The following PPP3CB variants were observed in gnomAD, a reference collection of about 807,000 sequenced individuals.
PPP3CB encodes the protein protein phosphatase 3 catalytic subunit beta, also known as serine/threonine-protein phosphatase 2B catalytic subunit beta isoform.
A neutral mutation model predicts 66.4 loss-of-function variants in PPP3CB; 8 were observed. The observed-to-expected ratio is 0.12, with a 90% CI of 0.07 to 0.22. The LOEUF is 0.22. Among genes scored for constraint, PPP3CB ranks in the 10% least tolerant of loss-of-function variants. The pLI is 1.00. For missense variants in PPP3CB, 319 were observed against 642.5 expected, an observed-to-expected ratio of 0.50 and a Z score of 5.44; for synonymous variants, 208 against 221.2, an observed-to-expected ratio of 0.94 and a Z score of 0.53.
chr10:73,448,177 A>C (rs2056289511), intron 10 of PPP3CB, among the ~76,000 whole-genome samples: 1 of 152,208 alleles, frequency 6.6e-6, no homozygotes, highest in Non-Finnish European at 1.5e-5. Flanking sequence ...AAGTACATTC[A>C]TATTTTCAGA....
intron 5 of PPP3CB, 98 bp from the exon 6 acceptor site, chr10:73,471,307 C>T (rs2056698390): frequency 7.3e-7 from 1 of 1,377,674 alleles, no homozygotes; most frequent in African/African-American, 1.5e-5. Flanking sequence ...ACAGTTCATA[C>T]TATATTATTG....
chr10:73,481,155 A>G lies in PPP3CB; in HGVS notation c.86-1638T>C, dbSNP rs1375057579. On this transcript the variant is annotated intron_variant, in intron 1 of 13. Coordinates refer to ENST00000360663, the MANE Select transcript of PPP3CB (RefSeq NM_021132.4). Reference sequence around the variant, plus strand: ...ATGTAAGGCAGCTCCCTCTTTCCAGATTTTTTTTTCTTTTTTTTTTTTTTT... The same window carrying G: ...ATGTAAGGCAGCTCCCTCTTTCCAGGTTTTTTTTTCTTTTTTTTTTTTTTT... Among the ~76,000 whole-genome samples, 4 of 146,674 alleles carry G rather than the reference A, an allele frequency of 2.7e-5. No individual in the cohort carries two copies. The East Asian group carries it at 7.9e-4, about 29-fold the overall frequency.
chr10:73,487,883 G>C (rs868401802), intron 1 of PPP3CB, among the ~76,000 whole-genome samples: 1 of 151,394 alleles, frequency 6.6e-6, no homozygotes, highest in Non-Finnish European at 1.5e-5. Context: ...AGGTTCAAGC[G>C]ATTCTCCCTA....
intron 10 of PPP3CB, among the ~76,000 whole-genome samples, chr10:73,451,643 C>T (rs1278525281): frequency 6.6e-6 from 1 of 151,836 alleles, no homozygotes; most frequent in Non-Finnish European, 1.5e-5. Flanking sequence ...TAGCTCATGC[C>T]TGTAATCCCA....
At chr10:73,491,022 G>GTTTTTTTTTTTTTTTTTTTTTTTTTTT (rs528238766) in intron 1 of PPP3CB, among the ~76,000 whole-genome samples, 7 of 40,908 alleles carry the variant, frequency 1.7e-4, no homozygotes, top group East Asian at 1.0e-3. Context: ...TGTTTTTATT[G>GTTTTTTTTTTTTTTTTTTTTTTTTTTT]TTTTTTTTTT....
rs200425456 is a variant in PPP3CB, at chr10:73,467,673, C to G, written c.988G>C (p.Val330Leu). The change falls in exon 9 of 14, where the codon GTA (valine) becomes CTA (leucine). Residue 330 changes from valine (V) to leucine (L), a missense_variant. Physicochemically the swap from Val to Leu is conservative, Grantham distance 32 (BLOSUM62 1). This residue lies in a region of PPP3CB where 120 missense variants were observed against 331.2 expected (regional missense o/e 0.36). Transcript: ENST00000360663. ...YLDVYNNKAAVLKYENNVMNI... is the reference protein window; with the variant it reads ...YLDVYNNKAALLKYENNVMNI... The stretch of plus-strand genomic sequence containing the variant: ...ATCACATTATTTTCATACTTTAATA[C>G]AGCAGCTGCAAGATAAGTTGAACAT... 1.3e-6 allele frequency: 2 copies of G among 1,549,616 alleles called. No individual in the cohort carries two copies. Among genetic ancestry groups the G allele is most frequent in the South Asian group, 2.4e-5 (2 of 83,110 alleles).
chr10:73,488,798 C>T (rs2057028658), intron 1 of PPP3CB, among the ~76,000 whole-genome samples: 3 of 152,146 alleles, frequency 2.0e-5, no homozygotes, highest in South Asian at 4.1e-4. Flanking sequence ...TTCTCTATCA[C>T]TCACACTTAA....
intron 9 of PPP3CB, among the ~76,000 whole-genome samples, chr10:73,457,894 T>A (rs970610874): frequency 1.3e-5 from 2 of 152,154 alleles, no homozygotes; most frequent in Non-Finnish European, 2.9e-5. Flanking sequence ...AAATACTGCA[T>A]GTTCTCATAA....
intron 9 of PPP3CB, among the ~76,000 whole-genome samples, chr10:73,460,127 C>A (rs1422875214): frequency 6.6e-6 from 1 of 151,824 alleles, no homozygotes; most frequent in Non-Finnish European, 1.5e-5. Flanking sequence ...TAGGGAAGGT[C>A]CAAGGACTTT....
chr10:73,491,104 C>G (rs1184104648), intron 1 of PPP3CB, among the ~76,000 whole-genome samples: 3 of 139,820 alleles, frequency 2.1e-5, no homozygotes, highest in Non-Finnish European at 3.0e-5. Flanking sequence ...GAACTCGGCT[C>G]ACTGCAATCT....
intron 12 of PPP3CB, among the ~76,000 whole-genome samples, chr10:73,440,767 G>A (rs1272025014): frequency 6.6e-6 from 1 of 152,074 alleles, no homozygotes; most frequent in African/African-American, 2.4e-5. Context: ...GGTCTTACAG[G>A]CATAAATTCT....
At chr10:73,465,179 T>G in intron 9 of PPP3CB, among the ~76,000 whole-genome samples, 1 of 152,162 alleles carries the variant, frequency 6.6e-6, no homozygotes, top group South Asian at 2.1e-4. Context: ...TTCATATTAT[T>G]CACTCTACCT....
chr10:73,450,660 G>C (rs1381540627), intron 10 of PPP3CB, among the ~76,000 whole-genome samples: 1 of 152,188 alleles, frequency 6.6e-6, no homozygotes, highest in Non-Finnish European at 1.5e-5. Flanking sequence ...TTCAAAGCTG[G>C]AACTCAGTGT....
chr10:73,462,215 G>C (rs978258234), intron 9 of PPP3CB, among the ~76,000 whole-genome samples: 1 of 145,796 alleles, frequency 6.9e-6, no homozygotes, highest in Non-Finnish European at 1.5e-5. Flanking sequence ...GTAGAGTGGA[G>C]TGATCAGCTA....
At chr10:73,471,305 T>A in intron 5 of PPP3CB, 96 bp from the exon 6 acceptor site, 1 of 1,361,938 alleles carries the variant, frequency 7.3e-7, no homozygotes, top group Non-Finnish European at 1.0e-6. Context: ...ATACAGTTCA[T>A]ACTATATTAT....
chr10:73,487,585 CAAA>C (rs1249744995), intron 1 of PPP3CB, among the ~76,000 whole-genome samples: 48 of 97,980 alleles, frequency 4.9e-4, no homozygotes, highest in African/African-American at 2.1e-3. Flanking sequence ...AAAAAAAAAA[CAAA>C]CAGGAAAAAC....
Position 73,446,501 on chromosome 10 carries a change from G to A in PPP3CB, c.1259C>T (p.Ser420Phe), listed in dbSNP as rs1400216413. 6.2e-7 allele frequency: 1 copy of A among 1,609,514 alleles called. No individual in the cohort carries two copies. The highest frequency in any genetic ancestry group is 2.2e-5 in the East Asian group (1 of 44,862). ...RAIGKMARVFSVLREESESVL... is the reference protein window; with the variant it reads ...RAIGKMARVFFVLREESESVL... ...GAAAATATATCATTACCTGAGAACA[G>A]AGAAGACTCTTGCCATCTTGCCAAT... The change falls in exon 11 of 14, where the codon TCT (serine) becomes TTT (phenylalanine). Residue 420 changes from serine to phenylalanine, a missense_variant. By Grantham distance (155) the Ser-to-Phe change is radical. Around this residue, in one of 5 missense-constraint regions of PPP3CB, gnomAD observed 120 missense variants for 331.2 expected, o/e 0.36. Coordinates refer to ENST00000360663, the MANE Select transcript of PPP3CB (RefSeq NM_021132.4).
At chr10:73,443,328 G>GAAAGAAAGAAAGAAAGAAAGAAAA (rs1425533106) in intron 12 of PPP3CB, among the ~76,000 whole-genome samples, 1 of 131,068 alleles carries the variant, frequency 7.6e-6, no homozygotes, top group African/African-American at 3.2e-5. Flanking sequence ...AAGAAAGAAA[G>GAAAGAAAGAAAGAAAGAAAGAAAA]AAAAAGAAAG....
intron 12 of PPP3CB, chr10:73,444,146 C>G (rs560934602): frequency 6.4e-6 from 1 of 157,062 alleles, no homozygotes; most frequent in South Asian, 1.9e-4. Context: ...ATACATAGAA[C>G]ATTTGACAAA....
Sources: gnomAD v4.1 joint callset for allele counts (sites outside exome capture counted in the v4.1 genomes callset) on GRCh38, gnomAD v4.1.1 for gene constraint, gnomAD v4.1.1 regional missense constraint, MANE v1.5 for transcripts, NCBI Gene and HGNC (gene_info 2026-07-23, HGNC 2026-07-21) for gene names.